KAZN: variants seen among roughly 807,000 people sequenced by gnomAD.
KAZN encodes the protein kazrin.
In KAZN, 40 loss-of-function variants were observed where a neutral mutation model predicts 87.4. The ratio of observed to expected loss-of-function variants is 0.46; its 90% CI spans 0.36 to 0.60. The LOEUF (loss-of-function observed/expected upper bound fraction) is 0.60, where lower values mean the gene tolerates loss of function less well. KAZN is among the 20% of genes least tolerant of loss of function. The pLI, the probability that KAZN is intolerant of heterozygous loss-of-function variation, is 0.00. For synonymous variants in KAZN, 466 were observed against 458.3 expected (o/e 1.02, Z -0.22); for missense variants, 898 against 1,073.9 (o/e 0.84, Z 2.29).
chr1:14,497,365 A>G (rs1457192928), intron 2 of KAZN, among the ~76,000 whole-genome samples: 1 of 89,512 alleles, frequency 1.1e-5, no homozygotes, highest in Non-Finnish European at 2.3e-5. Flanking sequence ...AAAAAAAAAG[A>G]TCTTTTTTGT....
intron 1 of KAZN, among the ~76,000 whole-genome samples, chr1:14,103,859 G>A (rs1182453530): frequency 3.3e-5 from 5 of 152,124 alleles, no homozygotes; most frequent in Admixed American, 1.3e-4. Context: ...CGGAGACATC[G>A]TTGGGGGCCA....
intron 1 of KAZN, among the ~76,000 whole-genome samples, chr1:14,885,974 A>G (rs1056188485): frequency 4.6e-5 from 7 of 152,112 alleles, no homozygotes; most frequent in African/African-American, 1.7e-4. Flanking sequence ...TAGGATGTTT[A>G]GCAACATTCC....
intron 1 of KAZN, among the ~76,000 whole-genome samples, chr1:14,026,415 G>T (rs1641072313): frequency 6.6e-6 from 1 of 152,074 alleles, no homozygotes; most frequent in African/African-American, 2.4e-5. Flanking sequence ...CTATGGTGGG[G>T]GTTCCAGATT....
chr1:14,850,039 G>T (rs1033936795), intron 1 of KAZN, among the ~76,000 whole-genome samples: 5 of 151,102 alleles, frequency 3.3e-5, no homozygotes, highest in Non-Finnish European at 7.4e-5. Flanking sequence ...AAGTTCAAGC[G>T]ATTCTCCTGC....
chr1:14,013,710 C>G (rs981340182), intron 1 of KAZN, among the ~76,000 whole-genome samples: 3 of 152,210 alleles, frequency 2.0e-5, no homozygotes, highest in Non-Finnish European at 2.9e-5. Flanking sequence ...TTGTGCCAAC[C>G]TTTCCATTGT....
intron 1 of KAZN, among the ~76,000 whole-genome samples, chr1:14,741,592 A>G (rs989280450): frequency 4.9e-4 from 75 of 152,324 alleles, no homozygotes; most frequent in African/African-American, 1.8e-3. Flanking sequence ...TGATTGAACT[A>G]GTATCTTTTT....
chr1:15,034,650 C>T (rs1361085607), intron 2 of KAZN, 99 bp from the exon 3 acceptor site: 14 of 1,406,150 alleles, frequency 1.0e-5, no homozygotes, highest in Non-Finnish European at 1.4e-5. Flanking sequence ...GTTTTCTCAC[C>T]TGTTACAAAG....
intron 1 of KAZN, chr1:13,893,822 A>G (rs763857414): frequency 9.5e-5 from 146 of 1,533,570 alleles, no homozygotes; most frequent in Non-Finnish European, 1.2e-4. Flanking sequence ...CGGGTCCCCA[A>G]AAACAGCGGT....
chr1:14,537,453 C>T (rs181133334), intron 2 of KAZN, among the ~76,000 whole-genome samples: 1 of 152,326 alleles, frequency 6.6e-6, no homozygotes, highest in East Asian at 1.9e-4. Flanking sequence ...ATTGCCATCA[C>T]GGCTAGTGGG....
intron 2 of KAZN, among the ~76,000 whole-genome samples, chr1:14,439,896 C>G (rs1666601983): frequency 6.6e-6 from 1 of 152,182 alleles, no homozygotes; most frequent in Non-Finnish European, 1.5e-5. Context: ...CCCGGAGGGT[C>G]CTTCTTCAGC....
intron 2 of KAZN, among the ~76,000 whole-genome samples, chr1:14,365,169 G>A (rs143446047): frequency 0.17 from 25,462 of 151,508 alleles, 2,543 homozygotes; most frequent in Middle Eastern, 0.27. Flanking sequence ...TCAGCCTCCC[G>A]AGTAGCTGGT....
intron 1 of KAZN, among the ~76,000 whole-genome samples, chr1:14,615,174 T>C (rs1271324479): frequency 6.6e-6 from 1 of 152,218 alleles, no homozygotes; most frequent in African/African-American, 2.4e-5. Flanking sequence ...CACTCTATGA[T>C]TGACAGAGCA....
chr1:14,947,244 C>T (rs79923426), intron 1 of KAZN, among the ~76,000 whole-genome samples: 7,607 of 152,210 alleles, frequency 0.05, 529 homozygotes, highest in African/African-American at 0.16. Context: ...TCTTTTTCCT[C>T]TTGGGGTGTT....
chr1:13,979,930 CAAA>C (rs142839854), intron 1 of KAZN, among the ~76,000 whole-genome samples: 102 of 100,450 alleles, frequency 1.0e-3, no homozygotes, highest in Middle Eastern at 9.9e-3. Context: ...GACTCCGTCT[CAAA>C]AAAAAAAAAA....
At chr1:14,174,180 G>A (rs1173033332) in intron 1 of KAZN, among the ~76,000 whole-genome samples, 1 of 152,224 alleles carries the variant, frequency 6.6e-6, no homozygotes, top group East Asian at 1.9e-4. Flanking sequence ...TTTGGGGGCT[G>A]GCGAAAAGGT....
rs375737532 is a variant in KAZN, at chr1:14,464,532, CT to C, written c.250-134441del. ...TTGAGACCCCTAGTCTAAATAATTT[CT>C]TTTTTTTTTCTTTCTTTTTTTTTGA... On this transcript the variant is annotated intron_variant, in intron 2 of 16. Coordinates refer to the KAZN transcript ENST00000636203. 1.9e-3 allele frequency among the ~76,000 whole-genome samples: 277 copies of C among 148,790 alleles called. 5 individuals are homozygous for C. The highest frequency in any genetic ancestry group is 8.3e-3 in the South Asian group (38 of 4,592).
At chr1:14,622,105 GATTC>G (rs1485012334) in intron 1 of KAZN, among the ~76,000 whole-genome samples, 5 of 152,188 alleles carry the variant, frequency 3.3e-5, no homozygotes, top group Admixed American at 6.5e-5. Context: ...AAATTACACA[GATTC>G]ATTTCCTCCT....
intron 13 of KAZN, among the ~76,000 whole-genome samples, chr1:15,104,903 C>T (rs934140187): frequency 2.0e-5 from 3 of 152,152 alleles, no homozygotes; most frequent in Admixed American, 1.3e-4. Context: ...AGATACACAG[C>T]TAGTAAGTGG....
In KAZN at chr1:13,942,007, G is replaced by C. The variant is rs1640944834; in HGVS notation, c.91+48251G>C. Reference sequence around the variant, plus strand: ...ACAAGGAAACAAAGCAGGAATTTTGGAAGTCTTATGGGTCTGGGCCAACAA... The same window carrying C: ...ACAAGGAAACAAAGCAGGAATTTTGCAAGTCTTATGGGTCTGGGCCAACAA... On this transcript the variant is annotated intron_variant, in intron 1 of 16. Coordinates refer to the KAZN transcript ENST00000636203. 2.0e-5 allele frequency among the ~76,000 whole-genome samples: 3 copies of C among 152,312 alleles called. No individual in the cohort carries two copies. In the South Asian group the frequency reaches 6.2e-4, roughly 32 times the overall value.
Sources: allele counts gnomAD v4.1 joint callset (sites outside exome capture counted in the v4.1 genomes callset), GRCh38; gene constraint gnomAD v4.1.1; transcripts MANE v1.5; gene names NCBI Gene and HGNC (gene_info 2026-07-23, HGNC 2026-07-21).